Variants in ALK observed in about 807,000 individuals in gnomAD.
ALK encodes the protein ALK tyrosine kinase receptor.
A neutral mutation model predicts 163.1 loss-of-function variants in ALK; 74 were observed. That is an observed-to-expected ratio of 0.45 (90% CI 0.38 to 0.55). The LOEUF (loss-of-function observed/expected upper bound fraction) is 0.55. Among genes scored for constraint, ALK ranks in the 20% least tolerant of loss-of-function variants. The probability of loss-of-function intolerance (pLI) is 0.00; values close to 1 mark genes in which losing one functional copy is unlikely to be tolerated. For synonymous variants in ALK, 960 were observed against 843.2 expected, an observed-to-expected ratio of 1.14 and a Z score of -2.40; for missense variants, 2,063 against 2,105.3, an observed-to-expected ratio of 0.98 and a Z score of 0.39.
chr2:29,609,379 C>A (rs772105186), intron 3 of ALK, among the ~76,000 whole-genome samples: 1 of 152,046 alleles, frequency 6.6e-6, no homozygotes, highest in African/African-American at 2.4e-5. Flanking sequence ...GATAGCAAGT[C>A]GGGAGAGGCA....
intron 4 of ALK, among the ~76,000 whole-genome samples, chr2:29,433,259 A>G (rs920284336): frequency 6.6e-6 from 1 of 152,184 alleles, no homozygotes; most frequent in South Asian, 2.1e-4. Context: ...ATAGAAGTGG[A>G]CAGGAGAATT....
intron 3 of ALK, among the ~76,000 whole-genome samples, chr2:29,546,988 G>A (rs534414604): frequency 4.2e-4 from 64 of 152,298 alleles, no homozygotes; most frequent in African/African-American, 1.5e-3. Context: ...ATCACTGTTT[G>A]TCACCTGCTG....
chr2:29,919,774 A>G (rs765463250), intron 1 of ALK, among the ~76,000 whole-genome samples: 2 of 152,122 alleles, frequency 1.3e-5, no homozygotes, highest in African/African-American at 4.8e-5. Flanking sequence ...TTTTCCCCCA[A>G]CTTGGTTGCT....
At chr2:29,725,858 C>G (rs1273439072) in intron 1 of ALK, among the ~76,000 whole-genome samples, 1 of 152,204 alleles carries the variant, frequency 6.6e-6, no homozygotes, top group African/African-American at 2.4e-5. Flanking sequence ...CTGATGCCTC[C>G]TCTTCAGAAC....
chr2:29,583,052 T>C, intron 3 of ALK, among the ~76,000 whole-genome samples: 1 of 150,982 alleles, frequency 6.6e-6, no homozygotes, highest in East Asian at 1.9e-4. Context: ...GTTTTTTTGT[T>C]TTTTTTAGTA....
intron 3 of ALK, among the ~76,000 whole-genome samples, chr2:29,601,362 AT>A: frequency 6.6e-6 from 1 of 152,148 alleles, no homozygotes; most frequent in African/African-American, 2.4e-5. Flanking sequence ...TTCACAGGGG[AT>A]AATCATGTGT....
At chr2:29,207,919 C>G (rs1669356250) in intron 25 of ALK, 1 of 375,486 alleles carries the variant, frequency 2.7e-6, no homozygotes, top group African/African-American at 2.1e-5. Flanking sequence ...CCTGTTAGGC[C>G]AATTGCATGT....
chr2:29,227,194 T>G lies in ALK; in HGVS notation c.2915-120A>C. ...TGGTGGTCCCTGTTCCTAGGTCCCA[T>G]AGCCACTGGAAGCACAACTGTGTAG... is the stretch of plus-strand genomic sequence containing the variant. On this transcript the variant is annotated intron_variant, in intron 17 of 28. Transcript: ENST00000389048. This position sits in a 1 kb window ranked among gnomAD's most constrained non-coding sequence, Gnocchi z 4.4. The G allele has an allele frequency of 7.7e-7, 1 of 1,301,348 alleles. No individual in the cohort carries two copies. The highest frequency in any genetic ancestry group is 1.1e-6 in the Non-Finnish European group (1 of 903,816). 80.6% of individuals were successfully genotyped at this position (1,301,348 alleles called of 1,614,324 possible).
At chr2:29,830,354 T>G (rs929422543) in intron 1 of ALK, among the ~76,000 whole-genome samples, 1 of 152,148 alleles carries the variant, frequency 6.6e-6, no homozygotes, top group African/African-American at 2.4e-5. Flanking sequence ...TTCCAGGACC[T>G]GGGCATAGCC....
rs1174074510 is a variant in ALK at position 29,488,333 on chromosome 2, G to A, written c.1154+43582C>T. On this transcript the variant is annotated intron_variant, in intron 4 of 28. Transcript: ENST00000389048. ...ATAAGCAGTGTTTCATCACACTGTT[G>A]TATGCAGCAGAATGGTGGGGTCATT... Among the ~76,000 whole-genome samples, 8 of 152,280 alleles carry A rather than the reference G, an allele frequency of 5.3e-5. No individual in the cohort carries two copies. The East Asian group carries it at 1.5e-3, about 29-fold the overall frequency.
intron 1 of ALK, among the ~76,000 whole-genome samples, chr2:29,778,894 G>A (rs1232202632): frequency 2.6e-5 from 4 of 152,080 alleles, no homozygotes; most frequent in Admixed American, 6.5e-5. Context: ...GGTGGCTCAC[G>A]CCTGTAATCC....
intron 11 of ALK, among the ~76,000 whole-genome samples, chr2:29,260,185 CA>C (rs946664850): frequency 6.6e-6 from 1 of 151,656 alleles, no homozygotes; most frequent in African/African-American, 2.4e-5. Context: ...TCTTTTATTG[CA>C]AATTCTTTGC....
At chr2:29,580,555 G>A (rs1674656561) in intron 3 of ALK, among the ~76,000 whole-genome samples, 1 of 152,188 alleles carries the variant, frequency 6.6e-6, no homozygotes, top group Non-Finnish European at 1.5e-5. Flanking sequence ...TGTCAGATTA[G>A]AGCCCCGTTA....
chr2:29,803,106 C>T (rs1246081973), intron 1 of ALK, among the ~76,000 whole-genome samples: 1 of 152,148 alleles, frequency 6.6e-6, no homozygotes, highest in Admixed American at 6.5e-5. Context: ...AATGCCAAAT[C>T]TTTTTTTAAA....
intron 13 of ALK, among the ~76,000 whole-genome samples, chr2:29,239,043 T>C (rs1220761239): frequency 1.3e-5 from 2 of 152,212 alleles, no homozygotes; most frequent in Non-Finnish European, 2.9e-5. Flanking sequence ...TTATATTAGG[T>C]TGGAAAGTCC....
intron 1 of ALK, among the ~76,000 whole-genome samples, chr2:29,797,304 AT>A (rs1179737340): frequency 6.6e-6 from 1 of 151,992 alleles, no homozygotes. Flanking sequence ...TGCTCATGCT[AT>A]TTCCTCCACC....
At chr2:29,666,230 T>C (rs1372681771) in intron 3 of ALK, among the ~76,000 whole-genome samples, 1 of 152,170 alleles carries the variant, frequency 6.6e-6, no homozygotes, top group Non-Finnish European at 1.5e-5. Flanking sequence ...ATAATTCCAT[T>C]ATCCTAGATA....
At chr2:29,577,715 C>T (rs1674564035) in intron 3 of ALK, among the ~76,000 whole-genome samples, 1 of 152,332 alleles carries the variant, frequency 6.6e-6, no homozygotes, top group East Asian at 1.9e-4. Flanking sequence ...TCTTTGTCTC[C>T]CAGATGGCCT....
intron 25 of ALK, among the ~76,000 whole-genome samples, chr2:29,209,523 C>T (rs1167546351): frequency 9.6e-6 from 1 of 104,472 alleles, no homozygotes; most frequent in Non-Finnish European, 1.8e-5. Flanking sequence ...GCCTGGGCAA[C>T]AAGAGCGAAA....
Sources: gnomAD v4.1 joint callset for allele counts (sites outside exome capture counted in the v4.1 genomes callset) on GRCh38, gnomAD v4.1.1 for gene constraint, Gnocchi (gnomAD v3.1) non-coding constraint, MANE v1.5 for transcripts, NCBI Gene and HGNC (gene_info 2026-07-23, HGNC 2026-07-21) for gene names.